Variants in SH3RF3 observed in about 807,000 individuals in gnomAD.
The protein encoded by SH3RF3 is SH3 domain containing ring finger 3, also known as E3 ubiquitin-protein ligase SH3RF3.
SH3RF3 carries 29 observed loss-of-function variants against 66.3 expected under a neutral mutation model. The observed-to-expected ratio is 0.44, with a 90% CI of 0.33 to 0.60. The LOEUF is 0.60. Among genes scored for constraint, SH3RF3 ranks in the 20% least tolerant of loss-of-function variants. The probability of loss-of-function intolerance (pLI) is 0.04; values close to 1 mark genes in which losing one functional copy is unlikely to be tolerated. For synonymous variants in SH3RF3, 583 were observed against 532.0 expected (o/e 1.10, Z -1.32); for missense variants, 1,194 against 1,190.9 (o/e 1.00, Z -0.04).
At chr2:109,260,312 G>T (rs766510357) in intron 1 of SH3RF3, among the ~76,000 whole-genome samples, 12 of 152,188 alleles carry the variant, frequency 7.9e-5, no homozygotes, top group Non-Finnish European at 1.6e-4. Context: ...CCAAGTGCTA[G>T]GCAAGGCCCA....
intron 1 of SH3RF3, among the ~76,000 whole-genome samples, chr2:109,346,942 G>C (rs1205828426): frequency 6.6e-6 from 1 of 152,148 alleles, no homozygotes; most frequent in African/African-American, 2.4e-5. Context: ...GTCTGTGATG[G>C]CCGGGGACTG....
chr2:109,269,014 ATGAGG>A (rs1332739984), intron 1 of SH3RF3, among the ~76,000 whole-genome samples: 2 of 152,174 alleles, frequency 1.3e-5, no homozygotes, highest in Non-Finnish European at 2.9e-5. Context: ...TGCCCAGGTG[ATGAGG>A]CTTGAGGACA....
chr2:109,343,928 G>T (rs1682619695), intron 1 of SH3RF3, among the ~76,000 whole-genome samples: 1 of 152,040 alleles, frequency 6.6e-6, no homozygotes, highest in Admixed American at 6.6e-5. Context: ...ATTATTTTTA[G>T]AGATAGGGTC....
chr2:109,241,650 C>T (rs1248097518), intron 1 of SH3RF3, among the ~76,000 whole-genome samples: 4 of 152,144 alleles, frequency 2.6e-5, no homozygotes, highest in Non-Finnish European at 5.9e-5. Flanking sequence ...GTCTCCCCGC[C>T]TCGCCATGGT....
At chr2:109,201,617 C>T (rs145240940) in intron 1 of SH3RF3, among the ~76,000 whole-genome samples, 9 of 152,226 alleles carry the variant, frequency 5.9e-5, no homozygotes, top group Non-Finnish European at 1.2e-4. Context: ...CCGGGCCTCT[C>T]ACAGCATGGC....
intron 4 of SH3RF3, among the ~76,000 whole-genome samples, chr2:109,417,920 T>G (rs918350366): frequency 5.3e-5 from 8 of 152,140 alleles, no homozygotes; most frequent in African/African-American, 1.4e-4. Flanking sequence ...AAGCTAAGCT[T>G]CTTGCTCCTA....
At chr2:109,390,148 G>A (rs529229723) in intron 3 of SH3RF3, among the ~76,000 whole-genome samples, 51 of 152,340 alleles carry the variant, frequency 3.3e-4, no homozygotes, top group African/African-American at 1.2e-3. Context: ...AGGGTCTGAG[G>A]TCTCTTCACT....
At chr2:109,133,484 C>T (rs1416468163) in intron 1 of SH3RF3, among the ~76,000 whole-genome samples, 3 of 152,136 alleles carry the variant, frequency 2.0e-5, no homozygotes, top group African/African-American at 7.2e-5. Flanking sequence ...AGCTGAGGAC[C>T]TTTCTTTGAG....
chr2:109,350,036 C>G (rs146011711), intron 2 of SH3RF3, among the ~76,000 whole-genome samples: 25 of 152,332 alleles, frequency 1.6e-4, no homozygotes, highest in African/African-American at 6.0e-4. Flanking sequence ...GCCAGAGGCT[C>G]ACGAGCTGCA....
intron 9 of SH3RF3, among the ~76,000 whole-genome samples, chr2:109,499,558 G>A (rs983666770): frequency 3.3e-5 from 5 of 152,216 alleles, no homozygotes; most frequent in Non-Finnish European, 7.3e-5. Context: ...CCCCAGGGCA[G>A]AGGGAGGCCC....
At chr2:109,140,785 T>A (rs909034631) in intron 1 of SH3RF3, among the ~76,000 whole-genome samples, 4 of 152,252 alleles carry the variant, frequency 2.6e-5, no homozygotes, top group African/African-American at 9.6e-5. Flanking sequence ...ATATGATTGA[T>A]GTTAAAGGTA....
intron 4 of SH3RF3, among the ~76,000 whole-genome samples, chr2:109,411,583 C>T (rs1417698074): frequency 6.6e-6 from 1 of 152,196 alleles, no homozygotes; most frequent in African/African-American, 2.4e-5. Flanking sequence ...GAAGCCACGA[C>T]CAGTGTGCCA....
Position 109,501,888 on chromosome 2 carries a change from G to C in SH3RF3, c.*217G>C. ...GAGCACACCTGGGATGTTCTTCAAG[G>C]AAATGCCCACCCCCTCTGTGGAAAC... is the stretch of plus-strand genomic sequence containing the variant. On this transcript the variant is annotated 3_prime_UTR_variant, in exon 10 of 10. Coordinates refer to ENST00000309415, the MANE Select transcript of SH3RF3 (RefSeq NM_001099289.3). The C allele has an allele frequency of 1.9e-6, 1 of 529,734 alleles. No individual in the cohort carries two copies. The highest frequency in any genetic ancestry group is 3.4e-6 in the Non-Finnish European group (1 of 296,054). 32.8% of individuals were successfully genotyped at this position (529,734 alleles called of 1,614,324 possible). A position where few individuals can be genotyped will look rare whatever the true frequency, so the allele number is the denominator to read the frequency against.
At chr2:109,452,673 G>T (rs1344537063) in intron 8 of SH3RF3, among the ~76,000 whole-genome samples, 1 of 152,224 alleles carries the variant, frequency 6.6e-6, no homozygotes, top group Non-Finnish European at 1.5e-5. Flanking sequence ...GCTCTGTGTT[G>T]TGTGGTGTCA....
intron 8 of SH3RF3, among the ~76,000 whole-genome samples, chr2:109,487,161 A>G (rs1364906243): frequency 1.3e-5 from 2 of 152,216 alleles, no homozygotes; most frequent in Non-Finnish European, 2.9e-5. Context: ...TCCCAGGAGA[A>G]ACCCAGCAAA....
At position 109,250,090 on chromosome 2, in the gene SH3RF3, C is replaced by CTTT. The variant is rs61141462; in HGVS notation, c.574-97571_574-97569dup. On this transcript the variant is annotated intron_variant, in intron 1 of 9. Coordinates refer to ENST00000309415, the MANE Select transcript of SH3RF3 (RefSeq NM_001099289.3). ...TTTGAGGGCAAAACAGTAGGTGTTC[C>CTTT]TTTTTTTTTTTTTTTGTCTAATTAG... 1.1e-3 allele frequency among the ~76,000 whole-genome samples: 142 copies of CTTT among 134,936 alleles called. 1 individual carries two copies. The highest frequency in any genetic ancestry group is 3.6e-3 in the African/African-American group (135 of 37,140). The allele number at this position is 134,936 out of a possible 152,430, so 88.5% of individuals were successfully genotyped here. A position where few individuals can be genotyped will look rare whatever the true frequency, so the allele number is the denominator to read the frequency against.
intron 1 of SH3RF3, among the ~76,000 whole-genome samples, chr2:109,161,920 A>G (rs1677499518): frequency 6.6e-6 from 1 of 150,710 alleles, no homozygotes; most frequent in Non-Finnish European, 1.5e-5. Flanking sequence ...CCTATCACTC[A>G]GTGGTGCCTC....
At chr2:109,400,568 C>T (rs1676283894) in intron 4 of SH3RF3, among the ~76,000 whole-genome samples, 1 of 137,996 alleles carries the variant, frequency 7.2e-6, no homozygotes, top group Admixed American at 7.0e-5. Flanking sequence ...CACATACACA[C>T]CTGTGCGCAC....
chr2:109,197,923 C>A (rs1416574689), intron 1 of SH3RF3, among the ~76,000 whole-genome samples: 2 of 152,238 alleles, frequency 1.3e-5, no homozygotes, highest in African/African-American at 2.4e-5. Flanking sequence ...ATGTAGCTGG[C>A]CCCTTGGGCA....
Sources: gnomAD v4.1 joint callset for allele counts (sites outside exome capture counted in the v4.1 genomes callset) on GRCh38, gnomAD v4.1.1 for gene constraint, MANE v1.5 for transcripts, NCBI Gene and HGNC (gene_info 2026-07-23, HGNC 2026-07-21) for gene names.